The following VAPB variants were observed in gnomAD, a reference collection of about 807,000 sequenced individuals.
VAPB encodes the protein VAMP associated protein B and C, also known as vesicle-associated membrane protein-associated protein B/C.
In VAPB, 7 loss-of-function variants were observed where a neutral mutation model predicts 25.6. The observed-to-expected ratio is 0.27, with a 90% CI of 0.16 to 0.51. The LOEUF (loss-of-function observed/expected upper bound fraction) is 0.51. VAPB is among the 20% of genes least tolerant of loss of function. The pLI, the probability that VAPB is intolerant of heterozygous loss-of-function variation, is 0.97. For synonymous variants in VAPB, 112 were observed against 109.2 expected (o/e 1.03, Z -0.16); for missense variants, 266 against 301.3 (o/e 0.88, Z 0.87).
Position 58,447,353 on chromosome 20 carries a change from C to T in VAPB, c.*3118C>T, listed in dbSNP as rs56310716. The T allele has an allele frequency of 3.5e-3, 1,594 of 454,064 alleles. 6 individuals are homozygous for T. The highest frequency in any genetic ancestry group is 5.4e-3 in the Admixed American group (229 of 42,562). The allele number at this position is 454,064 out of a possible 1,614,324, so 28.1% of individuals were successfully genotyped here. ...CCTAGTTTGCATGTTTTCCTTCTCT[C>T]GTCTTCTGAACTGCTGGCACCAGCA... is the stretch of plus-strand genomic sequence containing the variant. On this transcript the variant is annotated 3_prime_UTR_variant, in exon 6 of 6. Transcript: ENST00000475243.
At chr20:58,421,028 G>T (rs1988656637) in intron 2 of VAPB, among the ~76,000 whole-genome samples, 1 of 152,166 alleles carries the variant, frequency 6.6e-6, no homozygotes, top group African/African-American at 2.4e-5. Flanking sequence ...CCAAAAGCCA[G>T]CCTCCCCTTC....
Position 58,445,995 on chromosome 20 carries a change from A to G in VAPB, c.*1760A>G, listed in dbSNP as rs1032923683. 4 of 453,980 alleles carry G rather than the reference A, an allele frequency of 8.8e-6. No homozygotes were observed. The highest frequency in any genetic ancestry group is 4.0e-5 in the African/African-American group (2 of 49,996). 28.1% of individuals were successfully genotyped at this position (453,980 alleles called of 1,614,324 possible). On this transcript the variant is annotated 3_prime_UTR_variant, in exon 6 of 6. Coordinates refer to ENST00000475243, the MANE Select transcript of VAPB (RefSeq NM_004738.5). ...GTTGCTCCTAAGCCTGGCTCTGTCA[A>G]GCTGGGTCAGGGGCCTTGAAACTGG...
chr20:58,399,869 C>T (rs745616382), intron 1 of VAPB, among the ~76,000 whole-genome samples: 1 of 152,170 alleles, frequency 6.6e-6, no homozygotes, highest in Non-Finnish European at 1.5e-5. Flanking sequence ...CACCACCCCA[C>T]TCTCTGCTCC....
chr20:58,403,205 T>C lies in VAPB; in HGVS notation c.58+13688T>C, dbSNP rs141647900. ...CTCTTGTGGAAACTTATGTTTTTAC[T>C]TCTCCTCCTCTTCTATTTCAGAGAG... On this transcript the variant is annotated intron_variant, in intron 1 of 5. Transcript: ENST00000475243. Among the ~76,000 whole-genome samples the C allele has an allele frequency of 3.6e-3, 543 of 152,348 alleles. 5 individuals carry two copies. The highest frequency in any genetic ancestry group is 7.0e-3 in the South Asian group (34 of 4,824).
In VAPB at chr20:58,389,308, C is replaced by T. The variant is rs753958893; in HGVS notation, c.-152C>T. Reference sequence around the variant, plus strand: ...GCCTGCACCGCGTAGACCGACCCCCCCCCAGCGCGCCCACCCGGTAGAGGA... The same window carrying T: ...GCCTGCACCGCGTAGACCGACCCCCTCCCAGCGCGCCCACCCGGTAGAGGA... On this transcript the variant is annotated 5_prime_UTR_variant, in exon 1 of 6. Transcript: ENST00000475243. 18 of 708,918 alleles carry T rather than the reference C, an allele frequency of 2.5e-5. No individual in the cohort carries two copies. Among genetic ancestry groups the T allele is most frequent in the South Asian group, 2.2e-4 (15 of 66,786 alleles). 43.9% of individuals were successfully genotyped at this position (708,918 alleles called of 1,614,324 possible).
intron 4 of VAPB, chr20:58,439,599 C>T (rs990942675): frequency 6.3e-6 from 1 of 158,414 alleles, no homozygotes; most frequent in South Asian, 1.8e-4. Context: ...GGCTTCTGCC[C>T]TCTTGATACT....
At chr20:58,422,707 A>G (rs888462369) in intron 2 of VAPB, among the ~76,000 whole-genome samples, 1 of 151,984 alleles carries the variant, frequency 6.6e-6, no homozygotes, top group African/African-American at 2.4e-5. Context: ...TGGTAAAATT[A>G]TGGGCCCATC....
intron 2 of VAPB, among the ~76,000 whole-genome samples, chr20:58,424,961 A>G (rs912222318): frequency 6.6e-6 from 1 of 152,258 alleles, no homozygotes; most frequent in South Asian, 2.1e-4. Context: ...AGGTCCACCA[A>G]GGTGGTCATG....
intron 2 of VAPB, among the ~76,000 whole-genome samples, chr20:58,421,290 G>A (rs1050674346): frequency 3.3e-5 from 5 of 152,180 alleles, no homozygotes; most frequent in African/African-American, 1.2e-4. Context: ...ACATTTGTAC[G>A]TTCGTTGTTC....
At chr20:58,433,142 C>G (rs2123086421) in intron 2 of VAPB, among the ~76,000 whole-genome samples, 1 of 152,244 alleles carries the variant, frequency 6.6e-6, no homozygotes. Flanking sequence ...GTGAATGGTT[C>G]CATTAGCTTT....
At chr20:58,419,291 A>AT (rs1477305360) in intron 2 of VAPB, among the ~76,000 whole-genome samples, 1 of 152,198 alleles carries the variant, frequency 6.6e-6, no homozygotes, top group East Asian at 1.9e-4. Context: ...CTTTGGAAAG[A>AT]TATAAGGTGT....
chr20:58,449,517 G>A lies in VAPB; in HGVS notation c.*5282G>A. 2.2e-6 allele frequency: 1 copy of A among 453,862 alleles called. No individual in the cohort carries two copies. The highest frequency in any genetic ancestry group is 1.6e-5 in the South Asian group (1 of 64,420). The allele number at this position is 453,862 out of a possible 1,614,324, so 28.1% of individuals were successfully genotyped here. ...TCCGTAGAAAAGGAAGAAAAGTGTA[G>A]CAACAAAAATGTAGCCATTATCTAA... On this transcript the variant is annotated 3_prime_UTR_variant, in exon 6 of 6. Coordinates refer to ENST00000475243, the MANE Select transcript of VAPB (RefSeq NM_004738.5).
At chr20:58,404,525 C>T (rs1003955325) in intron 1 of VAPB, among the ~76,000 whole-genome samples, 1 of 152,198 alleles carries the variant, frequency 6.6e-6, no homozygotes, top group African/African-American at 2.4e-5. Flanking sequence ...GTGTTCGATG[C>T]AGTTAGAGGT....
chr20:58,445,416 C>T lies in VAPB; in HGVS notation c.*1181C>T, dbSNP rs1478479607. 4.4e-6 allele frequency: 2 copies of T among 454,514 alleles called. No individual in the cohort carries two copies. The highest frequency in any genetic ancestry group is 4.7e-5 in the Admixed American group (2 of 42,564). 28.2% of individuals were successfully genotyped at this position (454,514 alleles called of 1,614,324 possible). A position where few individuals can be genotyped will look rare whatever the true frequency, so the allele number is the denominator to read the frequency against. ...GGTGGGGAGCAAGGGAAGAGAGAAA[C>T]TCTTCAGCGAATCCTTCTAGTACTA... On this transcript the variant is annotated 3_prime_UTR_variant, in exon 6 of 6. Coordinates refer to ENST00000475243, the MANE Select transcript of VAPB (RefSeq NM_004738.5).
intron 1 of VAPB, among the ~76,000 whole-genome samples, chr20:58,415,319 A>G (rs1394157549): frequency 1.3e-5 from 2 of 152,270 alleles, no homozygotes; most frequent in African/African-American, 2.4e-5. Flanking sequence ...GTGCTGTTTC[A>G]TAAGCATCTT....
intron 1 of VAPB, among the ~76,000 whole-genome samples, chr20:58,417,514 T>A (rs953890000): frequency 1.3e-5 from 2 of 152,238 alleles, no homozygotes; most frequent in Non-Finnish European, 2.9e-5. Flanking sequence ...ATAAAAAGTA[T>A]CTTCAGGCCA....
At chr20:58,428,966 G>A (rs183844787) in intron 2 of VAPB, among the ~76,000 whole-genome samples, 6 of 152,180 alleles carry the variant, frequency 3.9e-5, no homozygotes, top group African/African-American at 1.4e-4. Flanking sequence ...GAGCCCACAA[G>A]CCAAGGAGAG....
chr20:58,439,195 C>A, intron 4 of VAPB, 170 bp downstream of exon 4: 1 of 651,364 alleles, frequency 1.5e-6, no homozygotes, highest in South Asian at 1.9e-5. Context: ...ATGAAATCAG[C>A]CTTTGAAAAA....
intron 1 of VAPB, among the ~76,000 whole-genome samples, chr20:58,413,139 C>CTTTTTTTTTTTTTTTTTTT (rs11481028): frequency 1.5e-5 from 2 of 132,588 alleles, no homozygotes; most frequent in African/African-American, 2.8e-5. Context: ...TATTTGCCTT[C>CTTTTTTTTTTTTTTTTTTT]TTTTTTTTTT....
Sources: gnomAD v4.1 joint callset for allele counts (sites outside exome capture counted in the v4.1 genomes callset) on GRCh38, gnomAD v4.1.1 for gene constraint, MANE v1.5 for transcripts, NCBI Gene and HGNC (gene_info 2026-07-23, HGNC 2026-07-21) for gene names.